Variants in CPEB1 observed in about 807,000 individuals in gnomAD.
The protein encoded by CPEB1 is cytoplasmic polyadenylation element binding protein 1.
In CPEB1, 7 loss-of-function variants were observed where a neutral mutation model predicts 65.8. That is an observed-to-expected ratio of 0.11 (90% CI 0.06 to 0.20). CPEB1 has a LOEUF of 0.20. Among genes scored for constraint, CPEB1 ranks in the 10% least tolerant of loss-of-function variants. The pLI, the probability that CPEB1 is intolerant of heterozygous loss-of-function variation, is 1.00. For synonymous variants in CPEB1, 262 were observed against 260.0 expected, an observed-to-expected ratio of 1.01 and a Z score of -0.08; for missense variants, 551 against 712.2, an observed-to-expected ratio of 0.77 and a Z score of 2.58.
upstream of CPEB1, chr15:82,648,429 G>C (rs2151420758): frequency 6.6e-6 from 1 of 152,508 alleles, no homozygotes; most frequent in African/African-American, 2.4e-5. Flanking sequence ...GCTCCAGGAG[G>C]CGCACTCACT....
chr15:82,639,067 G>A (rs2046893633), intron 1 of CPEB1, among the ~76,000 whole-genome samples: 1 of 152,180 alleles, frequency 6.6e-6, no homozygotes, highest in South Asian at 2.1e-4. Context: ...GCCTCTTAAA[G>A]GGTTTTGGTG....
intron 1 of CPEB1, among the ~76,000 whole-genome samples, chr15:82,642,157 A>C (rs1324073120): frequency 1.3e-5 from 2 of 152,244 alleles, no homozygotes; most frequent in Non-Finnish European, 2.9e-5. Context: ...TGCTCACAGA[A>C]GATGAGACGC....
At chr15:82,552,812 C>A (rs575659628) in intron 8 of CPEB1, among the ~76,000 whole-genome samples, 196 bp from the exon 9 acceptor site, 1 of 152,284 alleles carries the variant, frequency 6.6e-6, no homozygotes, top group African/African-American at 2.4e-5. Flanking sequence ...TCCCTCCCAC[C>A]CTGGTGAAGG....
Position 82,628,533 on chromosome 15 carries a change from C to T in CPEB1, c.-74G>A. Reference sequence around the variant, plus strand: ...TTTTGACTTCTTTTACAATACAGACCCTTCTATTACACAGGCACTGAAACT... The same window carrying T: ...TTTTGACTTCTTTTACAATACAGACTCTTCTATTACACAGGCACTGAAACT... On this transcript the variant is annotated 5_prime_UTR_variant, in exon 2 of 13. Transcript: ENST00000684509. 1 of 683,330 alleles carries T rather than the reference C, an allele frequency of 1.5e-6. No individual in the cohort carries two copies. 42.3% of individuals were successfully genotyped at this position (683,330 alleles called of 1,614,324 possible). A position where few individuals can be genotyped will look rare whatever the true frequency, so the allele number is the denominator to read the frequency against.
chr15:82,592,566 A>G (rs1335105762), intron 3 of CPEB1, among the ~76,000 whole-genome samples: 6 of 149,236 alleles, frequency 4.0e-5, no homozygotes, highest in Non-Finnish European at 8.9e-5. Context: ...TGACAGAGCC[A>G]GATATTGTCT....
chr15:82,610,377 T>G (rs1241912822), intron 3 of CPEB1, among the ~76,000 whole-genome samples: 3 of 152,188 alleles, frequency 2.0e-5, no homozygotes, highest in Non-Finnish European at 4.4e-5. Flanking sequence ...AGTATTTCCC[T>G]GATACCAAAA....
At chr15:82,558,869 C>G (rs948182385) in intron 4 of CPEB1, among the ~76,000 whole-genome samples, 3 of 152,106 alleles carry the variant, frequency 2.0e-5, no homozygotes, top group Non-Finnish European at 2.9e-5. Flanking sequence ...AAAGCACACC[C>G]TCTATCTATG....
At chr15:82,647,517 G>A (rs1245692694), upstream of CPEB1, 2 of 250,854 alleles carry the variant, frequency 8.0e-6, no homozygotes, top group Non-Finnish European at 1.5e-5. Flanking sequence ...CGTTCCGGGC[G>A]CCGGTGCTCC....
intron 3 of CPEB1, among the ~76,000 whole-genome samples, chr15:82,598,569 G>GA (rs1373239044): frequency 6.6e-6 from 1 of 152,074 alleles, no homozygotes; most frequent in East Asian, 1.9e-4. Context: ...TGGATCGCCT[G>GA]AGGTCAGGAG....
At chr15:82,544,895 T>G (rs1175791416) in intron 12 of CPEB1, among the ~76,000 whole-genome samples, 193 bp from the exon 13 acceptor site, 1 of 152,140 alleles carries the variant, frequency 6.6e-6, no homozygotes, top group African/African-American at 2.4e-5. Flanking sequence ...AAACCCACCA[T>G]CCTTGTTACA....
intron 3 of CPEB1, among the ~76,000 whole-genome samples, chr15:82,607,574 G>A (rs1426341919): frequency 4.6e-5 from 7 of 152,144 alleles, no homozygotes; most frequent in South Asian, 2.1e-4. Context: ...ATGACAGAGC[G>A]AGACTCAAGT....
At position 82,546,432 on chromosome 15, in the gene CPEB1, C is replaced by G; in HGVS notation, c.1656+9G>C. ...TAGAGGGCAGGGACTTCATAGACAT[C>G]GGACCCACCTGATCTCGACAGAAGA... On this transcript the variant is annotated intron_variant, in intron 12 of 12. Transcript: ENST00000684509. The G allele has an allele frequency of 6.2e-7, 1 of 1,610,870 alleles. No individual in the cohort carries two copies. Among genetic ancestry groups the G allele is most frequent in the Non-Finnish European group, 8.5e-7 (1 of 1,177,128 alleles).
At position 82,627,280 on chromosome 15, in the gene CPEB1, T is replaced by G. The variant is rs200431699; in HGVS notation, c.184A>C (p.Arg62=). ...STCSNANIFR[R]INAILDNSLD... ...GAATTATCCAATATGGCATTTATCC[T>G]TCGAAAGATATTGGCATTACTACAC... Residue 62 remains arginine (R), a synonymous_variant, in exon 3 of 13, where the codon AGG becomes CGG. Coordinates refer to ENST00000684509, the MANE Select transcript of CPEB1 (RefSeq NM_001365242.1). 14 of 1,613,868 alleles carry G rather than the reference T, an allele frequency of 8.7e-6. No homozygotes were observed. Among genetic ancestry groups the G allele is most frequent in the Non-Finnish European group, 1.2e-5 (14 of 1,179,776 alleles).
chr15:82,629,424 C>A (rs2046050988), intron 1 of CPEB1: 1 of 983,398 alleles, frequency 1.0e-6, no homozygotes, highest in Non-Finnish European at 1.2e-6. Context: ...ATGGGTAAGA[C>A]ATTACCGAAT....
chr15:82,597,129 A>G (rs2042725515), intron 3 of CPEB1, among the ~76,000 whole-genome samples: 1 of 152,196 alleles, frequency 6.6e-6, no homozygotes, highest in African/African-American at 2.4e-5. Flanking sequence ...GTTCAAGCTC[A>G]GACTGGGCAA....
At chr15:82,580,371 C>G (rs1279230953) in intron 3 of CPEB1, among the ~76,000 whole-genome samples, 1 of 151,414 alleles carries the variant, frequency 6.6e-6, no homozygotes, top group Non-Finnish European at 1.5e-5. Flanking sequence ...AAAGTTTCCC[C>G]CTGTTAAAGA....
At chr15:82,636,348 G>A (rs1012298572) in intron 1 of CPEB1, among the ~76,000 whole-genome samples, 4 of 152,124 alleles carry the variant, frequency 2.6e-5, no homozygotes, top group African/African-American at 9.7e-5. Flanking sequence ...GATACTTCAA[G>A]TCTATCTTAC....
chr15:82,571,029 G>C (rs1596042398), intron 4 of CPEB1, among the ~76,000 whole-genome samples: 2 of 152,272 alleles, frequency 1.3e-5, no homozygotes, highest in Admixed American at 1.3e-4. Flanking sequence ...CTGGGCACCA[G>C]GGGGTTAGCT....
intron 9 of CPEB1, among the ~76,000 whole-genome samples, chr15:82,549,962 A>C (rs570154990): frequency 2.0e-5 from 3 of 152,192 alleles, no homozygotes; most frequent in Non-Finnish European, 4.4e-5. Flanking sequence ...CCAGCATTCT[A>C]TTTCAACCTC....
Sources: gnomAD v4.1 joint callset for allele counts (sites outside exome capture counted in the v4.1 genomes callset) on GRCh38, gnomAD v4.1.1 for gene constraint, MANE v1.5 for transcripts, NCBI Gene and HGNC (gene_info 2026-07-23, HGNC 2026-07-21) for gene names.